Variants in SGK3 observed in about 807,000 individuals in gnomAD.
The protein encoded by SGK3 is serine/threonine-protein kinase Sgk3.
In SGK3, 47 loss-of-function variants were observed where a neutral mutation model predicts 68.5. The ratio of observed to expected loss-of-function variants is 0.69; its 90% CI spans 0.54 to 0.87. The LOEUF (loss-of-function observed/expected upper bound fraction) is 0.87, where lower values mean the gene tolerates loss of function less well. SGK3 is among the 40% of genes least tolerant of loss of function. The pLI, the probability that SGK3 is intolerant of heterozygous loss-of-function variation, is 0.00. For synonymous variants in SGK3, 181 were observed against 189.1 expected, an observed-to-expected ratio of 0.96 and a Z score of 0.35; for missense variants, 479 against 575.5, an observed-to-expected ratio of 0.83 and a Z score of 1.72.
chr8:66,852,348 C>T (rs1563661296), intron 16 of SGK3, among the ~76,000 whole-genome samples: 1 of 130,810 alleles, frequency 7.6e-6, no homozygotes, highest in Non-Finnish European at 1.5e-5. Flanking sequence ...GTGGCGCGAT[C>T]TTGGCTCACT....
intron 1 of SGK3, chr8:66,775,379 C>T (rs934355714): frequency 6.6e-6 from 1 of 152,390 alleles, no homozygotes; most frequent in Non-Finnish European, 1.5e-5. Flanking sequence ...AGCCCCGGCA[C>T]TGCGCGGGCC....
chr8:66,720,507 C>T (rs754320784), intron 1 of SGK3, among the ~76,000 whole-genome samples: 39 of 152,076 alleles, frequency 2.6e-4, no homozygotes, highest in Non-Finnish European at 5.0e-4. Context: ...CAGTGGCTCA[C>T]GCCTGTAATC....
chr8:66,793,167 T>C (rs1455293738), intron 1 of SGK3, among the ~76,000 whole-genome samples: 2 of 152,196 alleles, frequency 1.3e-5, no homozygotes, highest in Non-Finnish European at 2.9e-5. Flanking sequence ...ATGGCCTGGG[T>C]TCAAATCCGG....
chr8:66,733,423 A>G (rs1006967028), intron 1 of SGK3, among the ~76,000 whole-genome samples: 6 of 152,242 alleles, frequency 3.9e-5, no homozygotes, highest in African/African-American at 1.4e-4. Flanking sequence ...CTGAATGTCC[A>G]AAGGAGTAAA....
chr8:66,763,437 A>G lies in SGK3; in HGVS notation c.-121-30179A>G, dbSNP rs79215774. The stretch of plus-strand genomic sequence containing the variant: ...TACTGGAAAGTAAGGAAGTTAGGAC[A>G]TTCCAGGCTCATCTTGTACATTTTC... On this transcript the variant is annotated intron_variant, in intron 1 of 16. Coordinates refer to ENST00000521198, the MANE Select transcript of SGK3 (RefSeq NM_001033578.3). Among the ~76,000 whole-genome samples, 463 of 152,310 alleles carry G rather than the reference A, an allele frequency of 3.0e-3. 3 individuals are homozygous for G. Among genetic ancestry groups the G allele is most frequent in the African/African-American group, 0.01 (436 of 41,566 alleles).
intron 1 of SGK3, among the ~76,000 whole-genome samples, chr8:66,793,306 A>G (rs1336029922): frequency 6.6e-6 from 1 of 152,230 alleles, no homozygotes; most frequent in Admixed American, 6.5e-5. Flanking sequence ...CTGATACAAG[A>G]AGTCTGAAAA....
chr8:66,723,485 G>T (rs1158163025), intron 1 of SGK3, among the ~76,000 whole-genome samples: 2 of 151,812 alleles, frequency 1.3e-5, no homozygotes, highest in Non-Finnish European at 2.9e-5. Flanking sequence ...CCTCTGTCAC[G>T]TAAGCTGGAG....
intron 13 of SGK3, 116 bp from the exon 14 acceptor site, chr8:66,843,336 A>G: frequency 1.1e-6 from 1 of 887,212 alleles, no homozygotes; most frequent in Non-Finnish European, 1.7e-6. Flanking sequence ...GGAAATCTAG[A>G]TAATTTGGTT....
intron 16 of SGK3, among the ~76,000 whole-genome samples, chr8:66,852,277 C>CTTTTTTTTTT (rs1204346785): frequency 3.7e-5 from 4 of 107,202 alleles, no homozygotes; most frequent in East Asian, 3.2e-4. Flanking sequence ...TTAAGGAATC[C>CTTTTTTTTTT]TTTTTTTTTT....
intron 14 of SGK3, 62 bp from the exon 15 acceptor site, chr8:66,847,131 T>G: frequency 6.4e-7 from 1 of 1,568,748 alleles, no homozygotes; most frequent in Non-Finnish European, 8.6e-7. Context: ...TAAAGCCATT[T>G]TAACCCCATT....
rs563209389 is a variant in SGK3 at position 66,816,281 on chromosome 8, C to T, written c.329+2353C>T. Among the ~76,000 whole-genome samples, 21 of 150,874 alleles carry T rather than the reference C, an allele frequency of 1.4e-4. 1 individual carries two copies. The highest frequency in any genetic ancestry group is 6.9e-3 in the Middle Eastern group (2 of 290). On this transcript the variant is annotated intron_variant, in intron 5 of 16. Coordinates refer to ENST00000521198, the MANE Select transcript of SGK3 (RefSeq NM_001033578.3). ...CCTCCCAAAGTGCTGAGACTACAGG[C>T]GTGATAAACTTAATTTTTTAACTGG...
chr8:66,777,431 A>G (rs1431729423), intron 1 of SGK3, among the ~76,000 whole-genome samples: 2 of 152,202 alleles, frequency 1.3e-5, no homozygotes, highest in Non-Finnish European at 2.9e-5. Flanking sequence ...CAACAAGACT[A>G]GTAATTATTT....
chr8:66,729,312 C>T (rs1480319032), intron 1 of SGK3, among the ~76,000 whole-genome samples: 21 of 139,722 alleles, frequency 1.5e-4, no homozygotes, highest in Middle Eastern at 4.7e-3. Context: ...AAAAATTAGC[C>T]AGGCGTGGTG....
At chr8:66,851,593 A>G (rs1810293256) in intron 16 of SGK3, among the ~76,000 whole-genome samples, 2 of 152,204 alleles carry the variant, frequency 1.3e-5, no homozygotes, top group South Asian at 4.1e-4. Flanking sequence ...GTAAATTGTT[A>G]CTTTCTTGGG....
chr8:66,817,479 G>C (rs191662163), intron 5 of SGK3, among the ~76,000 whole-genome samples: 171 of 150,992 alleles, frequency 1.1e-3, no homozygotes, highest in African/African-American at 3.9e-3. Context: ...CAGCCTCCCG[G>C]GTAGCTGGGA....
intron 1 of SGK3, among the ~76,000 whole-genome samples, chr8:66,755,998 C>A (rs1805962478): frequency 1.3e-5 from 2 of 152,050 alleles, no homozygotes; most frequent in African/African-American, 2.4e-5. Flanking sequence ...GATGTTCTAG[C>A]CCCCAGTATC....
chr8:66,809,354 G>A (rs1006567059), intron 4 of SGK3, among the ~76,000 whole-genome samples: 4 of 152,192 alleles, frequency 2.6e-5, no homozygotes, highest in African/African-American at 4.8e-5. Context: ...AAATGTACAA[G>A]ATGATCTCAG....
At chr8:66,828,134 AAAAG>A (rs572010329) in intron 6 of SGK3, among the ~76,000 whole-genome samples, 32 of 152,170 alleles carry the variant, frequency 2.1e-4, no homozygotes, top group African/African-American at 4.1e-4. Flanking sequence ...AGAAAAAAAA[AAAAG>A]AAAGAAAGAA....
intron 16 of SGK3, among the ~76,000 whole-genome samples, chr8:66,855,167 G>C (rs1168140487): frequency 6.6e-6 from 1 of 152,118 alleles, no homozygotes; most frequent in Non-Finnish European, 1.5e-5. Context: ...GAAAAAAGTT[G>C]GTAGATTTGA....
Sources: allele counts gnomAD v4.1 joint callset (sites outside exome capture counted in the v4.1 genomes callset), GRCh38; gene constraint gnomAD v4.1.1; transcripts MANE v1.5; gene names NCBI Gene and HGNC (gene_info 2026-07-23, HGNC 2026-07-21).